USP40: variants seen among roughly 807,000 people sequenced by gnomAD.
The protein encoded by USP40 is ubiquitin specific peptidase 40.
A neutral mutation model predicts 166.2 loss-of-function variants in USP40; 143 were observed. That is an observed-to-expected ratio of 0.86 (90% CI 0.75 to 0.99). USP40 has a LOEUF of 0.99. USP40 is among the 50% of genes least tolerant of loss of function. USP40 has a pLI of 0.00. For missense variants in USP40, 1,444 were observed against 1,479.7 expected, an observed-to-expected ratio of 0.98 and a Z score of 0.40; for synonymous variants, 498 against 524.0, an observed-to-expected ratio of 0.95 and a Z score of 0.68.
rs1163340141 is a variant in USP40, at chr2:233,493,467, T to C, written c.2875A>G (p.Thr959Ala). The C allele has an allele frequency of 1.9e-6, 3 of 1,613,996 alleles. No individual in the cohort carries two copies. Among genetic ancestry groups the C allele is most frequent in the Non-Finnish European group, 2.5e-6 (3 of 1,179,880 alleles). ...WESHQDQTNCTSSWGRVWRAT... is the reference protein window; with the variant it reads ...WESHQDQTNCASSWGRVWRAT... ...CTCCAAACTCTGCCCCAAGACGAAG[T>C]ACAGTTGGTCTGGTCCTGATGACTC... is the stretch of plus-strand genomic sequence containing the variant. The change falls in exon 25 of 32, where the codon ACT becomes GCT. Residue 959 changes from threonine (T) to alanine (A), a missense_variant. Coordinates refer to ENST00000678225, the MANE Select transcript of USP40 (RefSeq NM_001365479.2). This position sits in a 1 kb window ranked among gnomAD's most constrained non-coding sequence, Gnocchi z 4.7.
chr2:233,519,544 C>T (rs1490405552), intron 18 of USP40, 70 bp downstream of exon 18: 4 of 1,001,628 alleles, frequency 4.0e-6, no homozygotes, highest in Middle Eastern at 2.1e-4. Context: ...TTGTATTCTC[C>T]TATATTTTCT....
At chr2:233,481,124 T>G in intron 31 of USP40, 79 bp downstream of exon 31, 15 of 1,366,694 alleles carry the variant, frequency 1.1e-5, no homozygotes, top group Non-Finnish European at 1.5e-5. Flanking sequence ...TTCCGGTCCC[T>G]CTCAGTTTCC....
At chr2:233,533,832 G>C in intron 10 of USP40, 53 bp from the exon 11 acceptor site, 1 of 1,436,102 alleles carries the variant, frequency 7.0e-7, no homozygotes, top group East Asian at 2.5e-5. Context: ...ACAAAAATTA[G>C]ATGTGATTAA....
intron 6 of USP40, among the ~76,000 whole-genome samples, chr2:233,553,096 G>C (rs928319087): frequency 1.3e-5 from 2 of 152,104 alleles, no homozygotes; most frequent in Non-Finnish European, 2.9e-5. Flanking sequence ...GAAGGTTAGA[G>C]ACAGCACATC....
In USP40 at chr2:233,488,291, C is replaced by T; in HGVS notation, c.3145G>A (p.Gly1049Arg). ...TCTAAGCAGATCTCAATTCTCCGTCCTAGTTTATATTCCCTGATAATAAGT... is the reference window on the plus strand; with the variant it reads ...TCTAAGCAGATCTCAATTCTCCGTCTTAGTTTATATTCCCTGATAATAAGT... ...DRQPLREYKL[G>R]RRIEICLEPL... Residue 1049 changes from glycine (G) to arginine (R), a missense_variant, in exon 28 of 32, where the codon GGA becomes AGA. Coordinates refer to ENST00000678225, the MANE Select transcript of USP40 (RefSeq NM_001365479.2). 3 of 1,600,150 alleles carry T rather than the reference C, an allele frequency of 1.9e-6. No individual in the cohort carries two copies. The highest frequency in any genetic ancestry group is 1.7e-6 in the Non-Finnish European group (2 of 1,172,498).
In USP40 at chr2:233,485,933, T is replaced by C; in HGVS notation, c.3242A>G (p.Glu1081Gly). ...GTCCAGGGCAGGGGCATAGGTCCTCTCACCAGGGATGCGCACCTGTGTCCT... is the reference window on the plus strand; with the variant it reads ...GTCCAGGGCAGGGGCATAGGTCCTCCCACCAGGGATGCGCACCTGTGTCCT... ...LLRTQVRIPG[E>G]RTYAPALDLV... The change falls in exon 29 of 32, where the codon GAG becomes GGG. Residue 1081 changes from glutamate (E) to glycine (G), a missense_variant. Transcript: ENST00000678225. The C allele has an allele frequency of 6.3e-7, 1 of 1,596,902 alleles. No individual in the cohort carries two copies. The highest frequency in any genetic ancestry group is 8.5e-7 in the Non-Finnish European group (1 of 1,172,858).
intron 11 of USP40, among the ~76,000 whole-genome samples, chr2:233,533,098 T>C (rs546248149): frequency 6.6e-6 from 1 of 151,588 alleles, no homozygotes; most frequent in Non-Finnish European, 1.5e-5. Flanking sequence ...AAGGAGAAGA[T>C]ATAAAAATAA....
intron 27 of USP40, among the ~76,000 whole-genome samples, chr2:233,488,576 A>G (rs1474721156): frequency 1.3e-5 from 2 of 152,238 alleles, no homozygotes; most frequent in East Asian, 3.8e-4. Context: ...AGCCGGGGTT[A>G]AGATTCTCAT....
intron 18 of USP40, among the ~76,000 whole-genome samples, chr2:233,515,077 T>C (rs897751664): frequency 1.3e-5 from 2 of 152,234 alleles, no homozygotes; most frequent in Non-Finnish European, 2.9e-5. Context: ...TTGTATGTGG[T>C]GGAACTAGCA....
At chr2:233,540,356 A>G (rs1274779738) in intron 10 of USP40, among the ~76,000 whole-genome samples, 1 of 152,170 alleles carries the variant, frequency 6.6e-6, no homozygotes, top group Non-Finnish European at 1.5e-5. Context: ...TTTGTGTAAA[A>G]AATCAAGTGA....
intron 16 of USP40, among the ~76,000 whole-genome samples, chr2:233,521,922 T>A (rs1191046060): frequency 3.3e-5 from 5 of 152,224 alleles, no homozygotes; most frequent in Non-Finnish European, 7.3e-5. Flanking sequence ...TTACTGTGTG[T>A]ACTTTGTAAG....
At chr2:233,560,799 AT>A (rs924695944) in intron 3 of USP40, 693 of 455,180 alleles carry the variant, frequency 1.5e-3, no homozygotes, top group Middle Eastern at 4.1e-3. Context: ...ACTAGCCTCT[AT>A]TTTTTTTTGT....
intron 5 of USP40, 38 bp from the exon 6 acceptor site, chr2:233,554,564 C>T (rs758630356): frequency 2.6e-6 from 4 of 1,532,974 alleles, no homozygotes; most frequent in Non-Finnish European, 3.5e-6. Flanking sequence ...AAAACAATTT[C>T]AGAGGTTTAC....
chr2:233,536,557 TG>T (rs2068949857), intron 10 of USP40, among the ~76,000 whole-genome samples: 1 of 152,106 alleles, frequency 6.6e-6, no homozygotes, highest in African/African-American at 2.4e-5. Context: ...AGGCTGAGGC[TG>T]GAGGACTGCT....
chr2:233,523,225 G>A lies in USP40; in HGVS notation c.2146C>T (p.Gln716Ter). ...KEDMRKTFRE[Q>*]GLRNGSSILI... ...ATTGAGCTTCCATTTCTGAGCCCTT[G>A]CTCCCTGAACGTCTTCCTCATGTCT... The change falls in exon 16 of 32, where the codon CAA (glutamine) becomes TAA (stop). Residue 716 changes from glutamine (Q) to a stop codon, truncating the protein, a stop_gained. Coordinates refer to ENST00000678225, the MANE Select transcript of USP40 (RefSeq NM_001365479.2). LOFTEE classifies it high-confidence loss of function. 1 of 1,613,840 alleles carries A rather than the reference G, an allele frequency of 6.2e-7. No homozygotes were observed. Among genetic ancestry groups the A allele is most frequent in the Non-Finnish European group, 8.5e-7 (1 of 1,179,784 alleles).
chr2:233,479,051 A>G (rs1198017641), intron 31 of USP40, among the ~76,000 whole-genome samples: 1 of 152,242 alleles, frequency 6.6e-6, no homozygotes, highest in African/African-American at 2.4e-5. Context: ...CCAGTGGTCT[A>G]CTGTTGTGCA....
intron 3 of USP40, chr2:233,560,977 T>G (rs2071538071): frequency 1.3e-6 from 1 of 753,730 alleles, no homozygotes; most frequent in Non-Finnish European, 2.4e-6. Context: ...CTTGGAAAAC[T>G]GATTCTTTCT....
rs572083731 is a variant in USP40, at chr2:233,519,378, G to T, written c.2383+236C>A. ...CACACCCACATCAGATATACTCATT[G>T]TATCTGGGGAAGGAGAGAAAGAATA... is the stretch of plus-strand genomic sequence containing the variant. On this transcript the variant is annotated intron_variant, in intron 18 of 31. Transcript: ENST00000678225. The T allele has an allele frequency of 1.4e-5, 6 of 418,090 alleles. No homozygotes were observed. In the East Asian group the frequency reaches 2.6e-4, roughly 18 times the overall value. The allele number at this position is 418,090 out of a possible 1,614,324, so 25.9% of individuals were successfully genotyped here.
chr2:233,515,468 T>C (rs2067125103), intron 18 of USP40, among the ~76,000 whole-genome samples: 1 of 152,228 alleles, frequency 6.6e-6, no homozygotes, highest in Non-Finnish European at 1.5e-5. Flanking sequence ...CTAATGATTC[T>C]GAGCATTTTT....
Sources: allele counts gnomAD v4.1 joint callset (sites outside exome capture counted in the v4.1 genomes callset), GRCh38; gene constraint gnomAD v4.1.1; non-coding constraint Gnocchi (gnomAD v3.1); transcripts MANE v1.5; gene names NCBI Gene and HGNC (gene_info 2026-07-23, HGNC 2026-07-21).